The following USP32 variants were observed in gnomAD, a reference collection of about 807,000 sequenced individuals.
USP32 encodes ubiquitin carboxyl-terminal hydrolase 32.
In USP32, 59 loss-of-function variants were observed where a neutral mutation model predicts 204.8. The observed-to-expected ratio is 0.29, with a 90% CI of 0.23 to 0.36. The LOEUF is 0.36. Among genes scored for constraint, USP32 ranks in the 10% least tolerant of loss-of-function variants. USP32 has a pLI of 1.00. For missense variants in USP32, 1,160 were observed against 1,946.4 expected (o/e 0.60, Z 7.60); for synonymous variants, 517 against 678.4 (o/e 0.76, Z 3.70).
chr17:60,406,318 A>T (rs760768257), intron 1 of USP32, among the ~76,000 whole-genome samples: 1 of 152,022 alleles, frequency 6.6e-6, no homozygotes, highest in Non-Finnish European at 1.5e-5. Flanking sequence ...AGCTGGGACT[A>T]CAGGCCCATG....
intron 22 of USP32, 119 bp from the exon 23 acceptor site, chr17:60,208,947 C>A: frequency 1.0e-6 from 1 of 978,052 alleles, no homozygotes; most frequent in Non-Finnish European, 1.4e-6. Flanking sequence ...AATCCTTACT[C>A]TTCATTTAAC....
At chr17:60,263,037 C>T (rs1454812972) in intron 9 of USP32, among the ~76,000 whole-genome samples, 2 of 152,084 alleles carry the variant, frequency 1.3e-5, no homozygotes, top group African/African-American at 4.8e-5. Flanking sequence ...CAGCCTTGAC[C>T]TCCCAGGCTC....
At chr17:60,416,142 C>T (rs531073694) in intron 1 of USP32, among the ~76,000 whole-genome samples, 2 of 152,094 alleles carry the variant, frequency 1.3e-5, no homozygotes, top group Admixed American at 6.6e-5. Context: ...CTGGCTTACT[C>T]TTGGGTTTCT....
chr17:60,387,076 A>C (rs2089744682), intron 1 of USP32, among the ~76,000 whole-genome samples: 1 of 152,242 alleles, frequency 6.6e-6, no homozygotes, highest in South Asian at 2.1e-4. Context: ...AAGGCAAATA[A>C]GTGCTTTAAT....
Position 60,208,052 on chromosome 17 carries a change from A to T in USP32, c.2925+7T>A. 3 of 1,561,666 alleles carry T rather than the reference A, an allele frequency of 1.9e-6. No individual in the cohort carries two copies. The highest frequency in any genetic ancestry group is 2.6e-6 in the Non-Finnish European group (3 of 1,154,682). ...AATCAAAAGTTTCTTAGAGTAGTTAATATTACCTTTATGTTGGAACCATGT... is the reference window on the plus strand; with the variant it reads ...AATCAAAAGTTTCTTAGAGTAGTTATTATTACCTTTATGTTGGAACCATGT... On this transcript the variant is annotated splice_region_variant and intron_variant, in intron 24 of 33. Transcript: ENST00000300896.
At chr17:60,194,546 C>G (rs1367456719) in intron 27 of USP32, among the ~76,000 whole-genome samples, 1 of 152,188 alleles carries the variant, frequency 6.6e-6, no homozygotes, top group African/African-American at 2.4e-5. Context: ...AAGATTGCAG[C>G]ACCCAGTTCA....
At chr17:60,207,637 T>C (rs1269122134) in intron 24 of USP32, 1 of 156,848 alleles carries the variant, frequency 6.4e-6, no homozygotes, top group Admixed American at 6.3e-5. Context: ...ACCAAGTATA[T>C]ATATTCATAA....
At chr17:60,232,450 G>A (rs780898334) in intron 12 of USP32, among the ~76,000 whole-genome samples, 4 of 149,780 alleles carry the variant, frequency 2.7e-5, no homozygotes, top group Admixed American at 2.7e-4. Context: ...TGGGATTGCA[G>A]GTGTGAGCCA....
intron 27 of USP32, among the ~76,000 whole-genome samples, chr17:60,196,845 T>A (rs2084533056): frequency 6.6e-6 from 1 of 151,948 alleles, no homozygotes; most frequent in African/African-American, 2.4e-5. Context: ...AAAATAAAAA[T>A]AAATAAATAA....
Position 60,212,021 on chromosome 17 carries a change from T to C in USP32, c.2179+3A>G, listed in dbSNP as rs1256299338. 2 of 1,571,230 alleles carry C rather than the reference T, an allele frequency of 1.3e-6. No individual in the cohort carries two copies. Among genetic ancestry groups the C allele is most frequent in the Non-Finnish European group, 1.7e-6 (2 of 1,148,946 alleles). The stretch of plus-strand genomic sequence containing the variant: ...TCTTTAAAAAATAATACTGGAGACT[T>C]ACCCTTGTGTCTATCTATTTTACTA... On this transcript the variant is annotated splice_donor_region_variant and intron_variant, in intron 19 of 33. Coordinates refer to ENST00000300896, the MANE Select transcript of USP32 (RefSeq NM_032582.4).
At chr17:60,412,682 A>G (rs115984052) in intron 1 of USP32, among the ~76,000 whole-genome samples, 349 of 152,214 alleles carry the variant, frequency 2.3e-3, no homozygotes, top group African/African-American at 8.2e-3. Context: ...GGAGTGGGGT[A>G]CAAATACGGT....
chr17:60,393,739 C>T (rs1336886248), upstream of USP32, among the ~76,000 whole-genome samples: 1 of 151,156 alleles, frequency 6.6e-6, no homozygotes, highest in East Asian at 1.9e-4. Context: ...GGCTGGAGTG[C>T]AATGGCGCGA....
chr17:60,185,294 G>T (rs533296349), intron 30 of USP32, among the ~76,000 whole-genome samples, 166 bp downstream of exon 30: 1 of 152,332 alleles, frequency 6.6e-6, no homozygotes, highest in South Asian at 2.1e-4. Flanking sequence ...AATATTTGTA[G>T]AAAGATTCAT....
At chr17:60,340,610 T>C (rs1387676960) in intron 2 of USP32, among the ~76,000 whole-genome samples, 1 of 152,220 alleles carries the variant, frequency 6.6e-6, no homozygotes, top group African/African-American at 2.4e-5. Flanking sequence ...TGATGGGTCT[T>C]GACTCTTTAT....
At position 60,323,860 on chromosome 17, in the gene USP32, T is replaced by C. The variant is rs148207782; in HGVS notation, c.186+21621A>G. ...CTGTTTTCTAAAAAGCGTCAAAACA[T>C]CTCTACAGCTTCTGCCATTTGGAAA... On this transcript the variant is annotated intron_variant, in intron 2 of 33. Coordinates refer to ENST00000300896, the MANE Select transcript of USP32 (RefSeq NM_032582.4). 2.4e-3 allele frequency among the ~76,000 whole-genome samples: 373 copies of C among 152,292 alleles called. 1 individual carries two copies. Among genetic ancestry groups the C allele is most frequent in the Non-Finnish European group, 3.2e-3 (219 of 68,020 alleles).
intron 26 of USP32, among the ~76,000 whole-genome samples, chr17:60,203,232 C>G (rs1258328345): frequency 6.6e-6 from 1 of 151,014 alleles, no homozygotes; most frequent in Admixed American, 6.6e-5. Context: ...GAAACCCCAT[C>G]TCTACTAAAA....
chr17:60,334,961 G>GT (rs1214768695), intron 2 of USP32, among the ~76,000 whole-genome samples: 1 of 141,968 alleles, frequency 7.0e-6, no homozygotes, highest in Non-Finnish European at 1.5e-5. Flanking sequence ...GCCCAGCCAC[G>GT]TTTTTTTATT....
Position 60,411,085 on chromosome 17 carries a change from T to C in USP32, c.106+11161A>G, listed in dbSNP as rs371941594. ...GGCTCACACCTGTAATCTCAGCACT[T>C]TGGGAGGCCGAGGCAGGCGGATCAC... On this transcript the variant is annotated intron_variant, in intron 1 of 3. Coordinates refer to the USP32 transcript ENST00000588898. Among the ~76,000 whole-genome samples the C allele has an allele frequency of 1.4e-4, 21 of 151,898 alleles. No homozygotes were observed. The East Asian group carries it at 4.1e-3, about 29-fold the overall frequency.
intron 2 of USP32, among the ~76,000 whole-genome samples, chr17:60,336,559 C>CA (rs1200770111): frequency 1.6e-5 from 2 of 127,418 alleles, no homozygotes; most frequent in Non-Finnish European, 3.1e-5. Context: ...ACTAAAAATA[C>CA]AAAAAAATTA....
Sources: gnomAD v4.1 joint callset for allele counts (sites outside exome capture counted in the v4.1 genomes callset) on GRCh38, gnomAD v4.1.1 for gene constraint, MANE v1.5 for transcripts, NCBI Gene and HGNC (gene_info 2026-07-23, HGNC 2026-07-21) for gene names.